Variants in TMTC1 observed in about 807,000 individuals in gnomAD.
TMTC1 encodes the protein protein O-mannosyl-transferase TMTC1.
TMTC1 carries 73 observed loss-of-function variants against 104.8 expected under a neutral mutation model. The ratio of observed to expected loss-of-function variants is 0.70; its 90% CI spans 0.58 to 0.85. The LOEUF is 0.85. Among genes scored for constraint, TMTC1 ranks in the 40% least tolerant of loss-of-function variants. TMTC1 has a pLI of 0.00. For missense variants in TMTC1, 1,035 were observed against 1,096.1 expected, an observed-to-expected ratio of 0.94 and a Z score of 0.79; for synonymous variants, 434 against 428.7, an observed-to-expected ratio of 1.01 and a Z score of -0.15.
At chr12:29,616,034 G>A (rs115941559) in intron 6 of TMTC1, among the ~76,000 whole-genome samples, 1,922 of 152,252 alleles carry the variant, frequency 0.013, 31 homozygotes, top group African/African-American at 0.044. Context: ...AAATAAGTTT[G>A]AGGAATGCCA....
intron 6 of TMTC1, among the ~76,000 whole-genome samples, chr12:29,629,299 A>G (rs1407125582): frequency 1.3e-5 from 2 of 151,826 alleles, no homozygotes; most frequent in African/African-American, 4.8e-5. Flanking sequence ...CAGCCTGGGC[A>G]ACAGAGAGAG....
intron 10 of TMTC1, among the ~76,000 whole-genome samples, chr12:29,537,004 T>C (rs1396591204): frequency 4.6e-5 from 7 of 152,194 alleles, no homozygotes; most frequent in Non-Finnish European, 8.8e-5. Context: ...CATTACCATT[T>C]TCTTGGGTAA....
Position 29,506,979 on chromosome 12 carries a change from T to C in TMTC1, c.2516A>G (p.Tyr839Cys). The C allele has an allele frequency of 1.2e-6, 2 of 1,613,684 alleles. No homozygotes were observed. The highest frequency in any genetic ancestry group is 1.7e-6 in the Non-Finnish European group (2 of 1,179,602). ...CTCATAATAAGCTCTTGCAGACACA[T>C]ATTTTCCCTGGGGGTGGGAAAGAGG... ...MGGIQHIKGK[Y>C]VSARAYYERA... The change falls in exon 18 of 18, where the codon TAT becomes TGT. Residue 839 changes from tyrosine (Y) to cysteine (C), a missense_variant. Physicochemically the swap from Tyr to Cys is radical, Grantham distance 194 (BLOSUM62 -2). Transcript: ENST00000539277.
chr12:29,701,340 G>A (rs1484224022), intron 5 of TMTC1, among the ~76,000 whole-genome samples: 3 of 152,254 alleles, frequency 2.0e-5, no homozygotes, highest in African/African-American at 4.8e-5. Context: ...CTACACTCAC[G>A]AGGGTAGCTC....
At chr12:29,663,893 G>T (rs1020654311) in intron 5 of TMTC1, among the ~76,000 whole-genome samples, 5 of 151,998 alleles carry the variant, frequency 3.3e-5, no homozygotes, top group Non-Finnish European at 7.4e-5. Context: ...AGTGTCCCCT[G>T]GTTTCCTGAG....
chr12:29,616,444 G>A (rs907484474), intron 6 of TMTC1, among the ~76,000 whole-genome samples: 1 of 152,120 alleles, frequency 6.6e-6, no homozygotes, highest in Admixed American at 6.5e-5. Context: ...GGCCGAAGCA[G>A]GTGGATCACC....
intron 9 of TMTC1, among the ~76,000 whole-genome samples, chr12:29,567,497 T>A (rs1945549847): frequency 6.6e-6 from 1 of 152,180 alleles, no homozygotes; most frequent in African/African-American, 2.4e-5. Flanking sequence ...TGTAATTTCA[T>A]CAACAAGAAG....
At chr12:29,683,366 TC>T (rs1309043950) in intron 5 of TMTC1, among the ~76,000 whole-genome samples, 1 of 151,918 alleles carries the variant, frequency 6.6e-6, no homozygotes, top group Non-Finnish European at 1.5e-5. Context: ...AGAAACAGAA[TC>T]CCAAAAAGTA....
Position 29,734,409 on chromosome 12 carries a change from C to A in TMTC1, c.938+17257G>T, listed in dbSNP as rs77112084. Among the ~76,000 whole-genome samples, 1,094 of 152,284 alleles carry A rather than the reference C, an allele frequency of 7.2e-3. 11 individuals carry two copies. The highest frequency in any genetic ancestry group is 0.04 in the South Asian group (192 of 4,828). On this transcript the variant is annotated intron_variant, in intron 5 of 17. Coordinates refer to ENST00000539277, the MANE Select transcript of TMTC1 (RefSeq NM_001193451.2). ...ACTCCTAATATGGATGAACTCCTGA[C>A]CCTTCCCGGATACCAGTCCTTCTCC... is the stretch of plus-strand genomic sequence containing the variant.
At chr12:29,717,268 C>T (rs551818108) in intron 5 of TMTC1, among the ~76,000 whole-genome samples, 9 of 152,140 alleles carry the variant, frequency 5.9e-5, no homozygotes, top group East Asian at 1.9e-4. Flanking sequence ...TGTGAGAAGG[C>T]GTTCACGGGA....
chr12:29,536,076 C>T (rs1944633843), intron 11 of TMTC1, 133 bp downstream of exon 11: 2 of 656,262 alleles, frequency 3.0e-6, no homozygotes, highest in South Asian at 1.9e-5. Flanking sequence ...AATTTCTGTC[C>T]AAAAGAAACT....
intron 10 of TMTC1, among the ~76,000 whole-genome samples, chr12:29,541,666 T>TG (rs562795269): frequency 1.9e-4 from 28 of 148,270 alleles, no homozygotes; most frequent in Non-Finnish European, 3.4e-4. Flanking sequence ...CTTTTTTTTT[T>TG]TTTTTTTTTT....
intron 1 of TMTC1, among the ~76,000 whole-genome samples, chr12:29,781,673 T>G: frequency 6.6e-6 from 1 of 151,938 alleles, no homozygotes; most frequent in Admixed American, 6.6e-5. Context: ...AAAAAAAATT[T>G]TAAAATATAT....
chr12:29,782,895 G>T (rs1417592538), intron 1 of TMTC1: 2 of 152,344 alleles, frequency 1.3e-5, no homozygotes, highest in Non-Finnish European at 2.9e-5. Flanking sequence ...GCAAGGCGGG[G>T]GCTGGGGGGC....
rs1034103911 is a variant in TMTC1, at chr12:29,697,025, A to T, written c.938+54641T>A. 3.9e-5 allele frequency among the ~76,000 whole-genome samples: 6 copies of T among 152,364 alleles called. No homozygotes were observed. In the South Asian group the frequency reaches 1.0e-3, roughly 26 times the overall value. The stretch of plus-strand genomic sequence containing the variant: ...ATCCTCATTCACTGTATAAACTAGA[A>T]TCATAAGTTCCATGAAAGCAGGAGA... On this transcript the variant is annotated intron_variant, in intron 5 of 17. Transcript: ENST00000539277.
intron 1 of TMTC1, among the ~76,000 whole-genome samples, chr12:29,776,360 T>C (rs1943707103): frequency 6.6e-6 from 1 of 152,188 alleles, no homozygotes; most frequent in Non-Finnish European, 1.5e-5. Flanking sequence ...ACAGAACCCA[T>C]TGGTATCCTC....
At position 29,644,111 on chromosome 12, in the gene TMTC1, ATGTG is replaced by A. The variant is rs371107912; in HGVS notation, c.939-10779_939-10776del. The stretch of plus-strand genomic sequence containing the variant: ...TATAAATATAAATATATAAATATAT[ATGTG>A]TGTGTGTGTGTGTGTGTGTGTGTGT... On this transcript the variant is annotated intron_variant, in intron 5 of 17. Transcript: ENST00000539277. 5.5e-3 allele frequency among the ~76,000 whole-genome samples: 410 copies of A among 74,426 alleles called. 33 individuals are homozygous for A. Among genetic ancestry groups the A allele is most frequent in the Middle Eastern group, 0.036 (5 of 140 alleles). 48.8% of individuals were successfully genotyped at this position (74,426 alleles called of 152,430 possible). A position where few individuals can be genotyped will look rare whatever the true frequency, so the allele number is the denominator to read the frequency against.
rs534658588 is a variant in TMTC1 at position 29,775,748 on chromosome 12, T to G, written c.303-7673A>C. 1.7e-4 allele frequency among the ~76,000 whole-genome samples: 26 copies of G among 152,094 alleles called. No individual in the cohort carries two copies. In the South Asian group the frequency reaches 5.4e-3, roughly 32 times the overall value. On this transcript the variant is annotated intron_variant, in intron 1 of 17. Coordinates refer to ENST00000539277, the MANE Select transcript of TMTC1 (RefSeq NM_001193451.2). ...AATTCAATTTTCAGCCCCTCTTCCC[T>G]CCTAGGAGGTTGAGATATAGGAGTG...
chr12:29,719,437 C>T lies in TMTC1; in HGVS notation c.938+32229G>A, dbSNP rs369329664. On this transcript the variant is annotated intron_variant, in intron 5 of 17. Coordinates refer to ENST00000539277, the MANE Select transcript of TMTC1 (RefSeq NM_001193451.2). ...CCACTTGAAGTTTTTTTGGAAAATA[C>T]GGTGGTATGAATTCAAGGTATAAAA... Among the ~76,000 whole-genome samples the T allele has an allele frequency of 4.4e-4, 67 of 152,216 alleles. 1 individual carries two copies. The East Asian group carries it at 9.8e-3, about 22-fold the overall frequency.
Sources: gnomAD v4.1 joint callset for allele counts (sites outside exome capture counted in the v4.1 genomes callset) on GRCh38, gnomAD v4.1.1 for gene constraint, MANE v1.5 for transcripts, NCBI Gene and HGNC (gene_info 2026-07-23, HGNC 2026-07-21) for gene names.